Variants in LRP2 observed in about 807,000 individuals in gnomAD.
LRP2 encodes LDL receptor related protein 2.
Under a neutral mutation model 531.0 loss-of-function variants are expected in LRP2, and 172 were observed. That is an observed-to-expected ratio of 0.32 (90% CI 0.29 to 0.37). The LOEUF (loss-of-function observed/expected upper bound fraction) is 0.37, where lower values mean the gene tolerates loss of function less well. Among genes scored for constraint, LRP2 ranks in the 10% least tolerant of loss-of-function variants. The pLI, the probability that LRP2 is intolerant of heterozygous loss-of-function variation, is 1.00. For synonymous variants in LRP2, 1,992 were observed against 2,027.6 expected, an observed-to-expected ratio of 0.98 and a Z score of 0.47; for missense variants, 5,167 against 5,868.3, an observed-to-expected ratio of 0.88 and a Z score of 3.90.
chr2:169,185,947 T>C lies in LRP2; in HGVS notation c.9401A>G (p.Tyr3134Cys), dbSNP rs139094685. 1.2e-6 allele frequency: 2 copies of C among 1,613,936 alleles called. No individual in the cohort carries two copies. Among genetic ancestry groups the C allele is most frequent in the Non-Finnish European group, 1.7e-6 (2 of 1,179,948 alleles). The part of the protein sequence containing the change: ...HNCTDTLTSF[Y>C]CSCRPGYKLM... ...CTTGTAACCAGGACGACAGGAACAATAGAAACTGGTTAAGGTGTCTGTGCA... is the reference window on the plus strand; with the variant it reads ...CTTGTAACCAGGACGACAGGAACAACAGAAACTGGTTAAGGTGTCTGTGCA... Residue 3134 changes from tyrosine (Y) to cysteine (C), a missense_variant, in exon 50 of 79, where the codon TAT becomes TGT. Transcript: ENST00000649046.
intron 29 of LRP2, among the ~76,000 whole-genome samples, chr2:169,233,897 G>A (rs987423830): frequency 2.6e-5 from 4 of 152,082 alleles, no homozygotes; most frequent in Non-Finnish European, 1.5e-5. Flanking sequence ...GATGTATCCG[G>A]ATCACCTACT....
chr2:169,361,208 C>T (rs990923234), intron 1 of LRP2, among the ~76,000 whole-genome samples: 5 of 152,120 alleles, frequency 3.3e-5, no homozygotes, highest in African/African-American at 1.2e-4. Flanking sequence ...GGTGGTCGGT[C>T]ACACGCAGCT....
At position 169,202,945 on chromosome 2, in the gene LRP2, C is replaced by T. The variant is rs763170196; in HGVS notation, c.8020G>A (p.Glu2674Lys). The change falls in exon 43 of 79, where the codon GAG (glutamate) becomes AAG (lysine). Residue 2674 changes from glutamate to lysine, a missense_variant. Glu to Lys is a moderately conservative substitution (Grantham distance 56). Around this residue, in one of 6 missense-constraint regions of LRP2, gnomAD observed 1,129 missense variants for 1,362.7 expected, o/e 0.83. Transcript: ENST00000649046. ...HICAPGPNGAECQCPHEGNWY... is the reference protein window; with the variant it reads ...HICAPGPNGAKCQCPHEGNWY... ...TTGCCCTCATGTGGACACTGGCACTCGGCACCATTTGGACCTGAAGAAAGA... is the reference window on the plus strand; with the variant it reads ...TTGCCCTCATGTGGACACTGGCACTTGGCACCATTTGGACCTGAAGAAAGA... 9.3e-6 allele frequency: 15 copies of T among 1,614,008 alleles called. No homozygotes were observed. In the Middle Eastern group the frequency reaches 4.9e-4, roughly 53 times the overall value.
At chr2:169,295,526 C>T (rs1039434479) in intron 4 of LRP2, among the ~76,000 whole-genome samples, 3 of 152,160 alleles carry the variant, frequency 2.0e-5, no homozygotes, top group Admixed American at 2.0e-4. Flanking sequence ...CAGACTTGGA[C>T]CACCTGTCTC....
At chr2:169,197,525 T>C (rs1168010805) in intron 45 of LRP2, among the ~76,000 whole-genome samples, 1 of 152,242 alleles carries the variant, frequency 6.6e-6, no homozygotes, top group Non-Finnish European at 1.5e-5. Context: ...GACTTTTAGT[T>C]GAGTAAGTGG....
Position 169,271,002 on chromosome 2 carries a change from G to A in LRP2, c.2222C>T (p.Ser741Phe). ...DVMVPVSGNP[S>F]FFVGIDFDAQ... ...GTCAAAATCAATCCCGACAAAGAAA[G>A]AAGGATTCCCCGAAACTGGAACCAT... Residue 741 changes from serine to phenylalanine, a missense_variant, in exon 16 of 79, where the codon TCT (serine) becomes TTT (phenylalanine). By Grantham distance (155) the Ser-to-Phe change is radical. Around this residue, in one of 6 missense-constraint regions of LRP2, gnomAD observed 2,811 missense variants for 3,058.0 expected, o/e 0.92. Coordinates refer to ENST00000649046, the MANE Select transcript of LRP2 (RefSeq NM_004525.3). 1 of 1,613,248 alleles carries A rather than the reference G, an allele frequency of 6.2e-7. No homozygotes were observed. Among genetic ancestry groups the A allele is most frequent in the African/African-American group, 1.3e-5 (1 of 74,918 alleles).
At position 169,271,077 on chromosome 2, in the gene LRP2, T is replaced by C; in HGVS notation, c.2147A>G (p.Gln716Arg). 6.2e-7 allele frequency: 1 copy of C among 1,612,988 alleles called. No individual in the cohort carries two copies. Among genetic ancestry groups the C allele is most frequent in the Non-Finnish European group, 8.5e-7 (1 of 1,179,408 alleles). The change falls in exon 16 of 79, where the codon CAA becomes CGA. Residue 716 changes from glutamine to arginine, a missense_variant. By Grantham distance (43) the Gln-to-Arg change is conservative. Coordinates refer to ENST00000649046, the MANE Select transcript of LRP2 (RefSeq NM_004525.3). ...GAACGGGATCCCACGAATAGCAACTTGGGATGAAAAAATGAGGAAATTCTG... is the reference window on the plus strand; with the variant it reads ...GAACGGGATCCCACGAATAGCAACTCGGGATGAAAAAATGAGGAAATTCTG... ...AVQNFLIFSS[Q>R]VAIRGIPFTL...
intron 33 of LRP2, among the ~76,000 whole-genome samples, chr2:169,222,262 G>A (rs1370816952): frequency 6.6e-6 from 1 of 152,074 alleles, no homozygotes; most frequent in Non-Finnish European, 1.5e-5. Context: ...ATCATTTGAG[G>A]GAAACAGCGC....
chr2:169,361,377 C>CTCTCTCTCTCTCTCTCTCTCT (rs1559092856), intron 1 of LRP2, among the ~76,000 whole-genome samples: 7 of 52,276 alleles, frequency 1.3e-4, no homozygotes, highest in Admixed American at 4.6e-4. Flanking sequence ...TCTCTCTCTC[C>CTCTCTCTCTCTCTCTCTCTCT]CTCTCTCTCT....
chr2:169,284,222 G>A (rs1328059025), intron 9 of LRP2, among the ~76,000 whole-genome samples: 2 of 130,500 alleles, frequency 1.5e-5, no homozygotes, highest in African/African-American at 5.8e-5. Flanking sequence ...AAAAGGCCAA[G>A]TTTCTTCTCT....
At position 169,212,184 on chromosome 2, in the gene LRP2, A is replaced by C; in HGVS notation, c.6064T>G (p.Cys2022Gly). 1.2e-6 allele frequency: 2 copies of C among 1,614,086 alleles called. No individual in the cohort carries two copies. Among genetic ancestry groups the C allele is most frequent in the Non-Finnish European group, 1.7e-6 (2 of 1,179,946 alleles). Residue 2022 changes from cysteine to glycine, a missense_variant, in exon 37 of 79, where the codon TGT (cysteine) becomes GGT (glycine). Around this residue, in one of 6 missense-constraint regions of LRP2, gnomAD observed 2,811 missense variants for 3,058.0 expected, o/e 0.92. Coordinates refer to ENST00000649046, the MANE Select transcript of LRP2 (RefSeq NM_004525.3). The stretch of plus-strand genomic sequence containing the variant: ...TGACAGGCATTCATGTTGTTGCTAC[A>C]GCCATTTGAGGATTCGGCGGCATCT... ...RRNAAESSNG[C>G]SNNMNACQQI...
rs780970748 is a variant in LRP2, at chr2:169,176,405, C to T, written c.10571+6G>A. 2 of 1,613,986 alleles carry T rather than the reference C, an allele frequency of 1.2e-6. No homozygotes were observed. Among genetic ancestry groups the T allele is most frequent in the African/African-American group, 1.3e-5 (1 of 74,900 alleles). On this transcript the variant is annotated splice_donor_region_variant and intron_variant, in intron 54 of 78. Coordinates refer to ENST00000649046, the MANE Select transcript of LRP2 (RefSeq NM_004525.3). ...GGCACTGAGGAGAGGGGAAAGAGAG[C>T]CTTACTTTTCATTGTTAGCGCACAG...
chr2:169,299,510 A>G (rs1243494412), intron 4 of LRP2, among the ~76,000 whole-genome samples: 2 of 150,360 alleles, frequency 1.3e-5, no homozygotes, highest in Non-Finnish European at 3.0e-5. Flanking sequence ...TGCAAAGGAG[A>G]TAAAAACTGA....
chr2:169,198,581 G>A (rs1438122343), intron 45 of LRP2, among the ~76,000 whole-genome samples: 1 of 152,134 alleles, frequency 6.6e-6, no homozygotes, highest in Non-Finnish European at 1.5e-5. Flanking sequence ...TTCAGGGTCT[G>A]GGAATTCTAG....
intron 13 of LRP2, among the ~76,000 whole-genome samples, chr2:169,277,014 G>A (rs1194485448): frequency 6.6e-6 from 1 of 151,914 alleles, no homozygotes; most frequent in Non-Finnish European, 1.5e-5. Flanking sequence ...GGGAAACACG[G>A]TGAAATTTTA....
intron 54 of LRP2, 122 bp from the exon 55 acceptor site, chr2:169,175,511 G>A (rs1045667002): frequency 1.2e-6 from 1 of 845,058 alleles, no homozygotes; most frequent in Non-Finnish European, 1.9e-6. Flanking sequence ...GGCCCTAGAA[G>A]AGGATCAATT....
At chr2:169,313,920 G>C (rs1167392045) in intron 3 of LRP2, among the ~76,000 whole-genome samples, 1 of 152,168 alleles carries the variant, frequency 6.6e-6, no homozygotes, top group African/African-American at 2.4e-5. Flanking sequence ...TATAAATGAA[G>C]TCTATTTTAG....
intron 1 of LRP2, among the ~76,000 whole-genome samples, chr2:169,334,870 C>T (rs796146071): frequency 6.6e-6 from 1 of 152,320 alleles, no homozygotes; most frequent in East Asian, 1.9e-4. Context: ...GGCACAATGC[C>T]TGAAGCACAG....
At chr2:169,284,994 G>A (rs1321307568) in intron 9 of LRP2, among the ~76,000 whole-genome samples, 1 of 152,190 alleles carries the variant, frequency 6.6e-6, no homozygotes, top group East Asian at 1.9e-4. Flanking sequence ...CCTATCACCT[G>A]CACTACAAGT....
Sources: gnomAD v4.1 joint callset for allele counts (sites outside exome capture counted in the v4.1 genomes callset) on GRCh38, gnomAD v4.1.1 for gene constraint, gnomAD v4.1.1 regional missense constraint, MANE v1.5 for transcripts, NCBI Gene and HGNC (gene_info 2026-07-23, HGNC 2026-07-21) for gene names.